SNX29: variants seen among roughly 807,000 people sequenced by gnomAD.
SNX29 encodes sorting nexin-29.
SNX29 carries 78 observed loss-of-function variants against 102.1 expected under a neutral mutation model. The observed-to-expected ratio is 0.76, with a 90% confidence interval of 0.64 to 0.92. The LOEUF is 0.92. Among genes scored for constraint, SNX29 ranks in the 40% least tolerant of loss-of-function variants. The probability of loss-of-function intolerance (pLI) is 0.00; values close to 1 mark genes in which losing one functional copy is unlikely to be tolerated. For synonymous variants in SNX29, 580 were observed against 414.5 expected, an observed-to-expected ratio of 1.40 and a Z score of -4.85; for missense variants, 1,280 against 1,061.7, an observed-to-expected ratio of 1.21 and a Z score of -2.86.
At chr16:12,360,069 C>T (rs2082258994) in intron 16 of SNX29, among the ~76,000 whole-genome samples, 1 of 152,176 alleles carries the variant, frequency 6.6e-6, no homozygotes, top group Non-Finnish European at 1.5e-5. Flanking sequence ...AGTGATCTGC[C>T]CGCCTCGGCC....
chr16:12,424,146 A>G (rs2084968933), intron 18 of SNX29, among the ~76,000 whole-genome samples: 1 of 152,230 alleles, frequency 6.6e-6, no homozygotes, highest in African/African-American at 2.4e-5. Context: ...TTCAGATTTC[A>G]GAAGCCAATT....
chr16:12,045,212 T>C (rs1443069896), intron 5 of SNX29, among the ~76,000 whole-genome samples: 1 of 152,262 alleles, frequency 6.6e-6, no homozygotes, highest in Non-Finnish European at 1.5e-5. Context: ...AATGCGCCTC[T>C]TCTTTCTTTC....
intron 3 of SNX29, among the ~76,000 whole-genome samples, chr16:12,020,273 C>T (rs2056979613): frequency 6.6e-6 from 1 of 152,100 alleles, no homozygotes; most frequent in African/African-American, 2.4e-5. Context: ...CAGGCATGCG[C>T]AACCACACCC....
chr16:12,541,702 TG>T (rs1369567308), intron 20 of SNX29, among the ~76,000 whole-genome samples: 2 of 151,774 alleles, frequency 1.3e-5, no homozygotes, highest in African/African-American at 4.8e-5. Context: ...GGGGCGGGAG[TG>T]GGTTCCTGAT....
At chr16:12,237,369 A>G (rs1350707594) in intron 14 of SNX29, among the ~76,000 whole-genome samples, 1 of 152,174 alleles carries the variant, frequency 6.6e-6, no homozygotes, top group East Asian at 1.9e-4. Context: ...TTATGCGCTT[A>G]TCTCTAAGCC....
At chr16:12,446,886 C>A (rs12149846) in intron 18 of SNX29, among the ~76,000 whole-genome samples, 39,786 of 151,746 alleles carry the variant, frequency 0.26, 5,640 homozygotes, top group African/African-American at 0.38. Flanking sequence ...AAAATAGGAG[C>A]CAGGTGTGGT....
chr16:12,536,854 T>TG (rs2077099274), intron 20 of SNX29, among the ~76,000 whole-genome samples: 1 of 152,102 alleles, frequency 6.6e-6, no homozygotes, highest in Non-Finnish European at 1.5e-5. Context: ...TGCACACCTG[T>TG]AATTGTAGCT....
At chr16:12,463,240 A>G (rs2086891818) in intron 18 of SNX29, among the ~76,000 whole-genome samples, 1 of 152,274 alleles carries the variant, frequency 6.6e-6, no homozygotes, top group African/African-American at 2.4e-5. Flanking sequence ...TGTGCCGTAT[A>G]TCCACACAAC....
chr16:12,125,834 T>C (rs1049008052), intron 11 of SNX29, among the ~76,000 whole-genome samples: 7 of 151,994 alleles, frequency 4.6e-5, no homozygotes, highest in Non-Finnish European at 1.0e-4. Context: ...GAAACAGTTT[T>C]TTCCTCCTAG....
chr16:12,348,777 A>T (rs2081905523), intron 15 of SNX29, among the ~76,000 whole-genome samples: 1 of 152,208 alleles, frequency 6.6e-6, no homozygotes, highest in Non-Finnish European at 1.5e-5. Flanking sequence ...GGTCTTGGAC[A>T]AGTTGCACAC....
At chr16:12,548,390 A>C (rs1161411601) in intron 20 of SNX29, among the ~76,000 whole-genome samples, 1 of 152,178 alleles carries the variant, frequency 6.6e-6, no homozygotes, top group Non-Finnish European at 1.5e-5. Flanking sequence ...ACACCTTCTA[A>C]GGTCTCCTTT....
At chr16:12,330,424 A>G (rs1368929261) in intron 15 of SNX29, among the ~76,000 whole-genome samples, 2 of 152,164 alleles carry the variant, frequency 1.3e-5, no homozygotes, top group African/African-American at 4.8e-5. Flanking sequence ...CTGAGATCAC[A>G]CCACGGCACT....
Position 12,045,983 on chromosome 16 carries a change from G to T in SNX29, c.429-401G>T, listed in dbSNP as rs556811410. 1.2e-4 allele frequency among the ~76,000 whole-genome samples: 19 copies of T among 152,188 alleles called. 1 individual carries two copies. The East Asian group carries it at 2.7e-3, about 22-fold the overall frequency. On this transcript the variant is annotated intron_variant, in intron 5 of 20. Transcript: ENST00000566228. ...AAGCCGTAGAGGCTCTGTAATTTCT[G>T]TCTGAAATGGTCTCTTCTTGTATTA...
chr16:12,368,886 G>A (rs1175756483), intron 16 of SNX29, among the ~76,000 whole-genome samples: 1 of 152,184 alleles, frequency 6.6e-6, no homozygotes, highest in East Asian at 1.9e-4. Context: ...TCTTGAAATG[G>A]CCTCTCTGTT....
Position 12,294,209 on chromosome 16 carries a change from T to C in SNX29, c.1782+16173T>C, listed in dbSNP as rs561005633. Among the ~76,000 whole-genome samples, 5 of 152,330 alleles carry C rather than the reference T, an allele frequency of 3.3e-5. No homozygotes were observed. The South Asian group carries it at 1.0e-3, about 32-fold the overall frequency. ...TGCGTCTATGGCCTGGGAATCATCA[T>C]TTCCAATGTGTAGCATTTATAGATC... is the stretch of plus-strand genomic sequence containing the variant. On this transcript the variant is annotated intron_variant, in intron 15 of 20. Coordinates refer to ENST00000566228, the MANE Select transcript of SNX29 (RefSeq NM_032167.5).
intron 15 of SNX29, among the ~76,000 whole-genome samples, chr16:12,298,041 G>C (rs2080040296): frequency 6.6e-6 from 1 of 152,186 alleles, no homozygotes; most frequent in African/African-American, 2.4e-5. Context: ...ATGGTGGTGT[G>C]CGTCTGCGAT....
At chr16:12,295,177 C>T (rs116846006) in intron 15 of SNX29, among the ~76,000 whole-genome samples, 5,104 of 152,266 alleles carry the variant, frequency 0.034, 115 homozygotes, top group Non-Finnish European at 0.051. Flanking sequence ...GAGATTTGGG[C>T]CGGGGCACAC....
At chr16:12,547,577 C>G (rs894485203) in intron 20 of SNX29, among the ~76,000 whole-genome samples, 1 of 151,942 alleles carries the variant, frequency 6.6e-6, no homozygotes, top group Non-Finnish European at 1.5e-5. Context: ...CCCTCCCTCA[C>G]GAGGATTAAA....
intron 11 of SNX29, among the ~76,000 whole-genome samples, chr16:12,092,697 G>T (rs530182614): frequency 3.3e-5 from 5 of 152,310 alleles, no homozygotes; most frequent in African/African-American, 1.2e-4. Flanking sequence ...CTGACCATCT[G>T]TTCTGGGAAA....
Sources: allele counts gnomAD v4.1 joint callset (sites outside exome capture counted in the v4.1 genomes callset), GRCh38; gene constraint gnomAD v4.1.1; transcripts MANE v1.5; gene names NCBI Gene and HGNC (gene_info 2026-07-23, HGNC 2026-07-21).